ZNF804A: variants seen among roughly 807,000 people sequenced by gnomAD.
ZNF804A encodes the protein zinc finger protein 804A.
Under a neutral mutation model 16.5 loss-of-function variants are expected in ZNF804A, and 2 were observed. The ratio of observed to expected loss-of-function variants is 0.12; its 90% confidence interval spans 0.05 to 0.38. The LOEUF (loss-of-function observed/expected upper bound fraction) is 0.38, where lower values mean the gene tolerates loss of function less well. Among genes scored for constraint, ZNF804A ranks in the 10% least tolerant of loss-of-function variants. ZNF804A has a pLI of 0.99. For synonymous variants in ZNF804A, 534 were observed against 489.6 expected (o/e 1.09, Z -1.20); for missense variants, 1,473 against 1,390.7 (o/e 1.06, Z -0.94).
chr2:184,707,853 G>A (rs537748532), intron 1 of ZNF804A, among the ~76,000 whole-genome samples: 2 of 152,164 alleles, frequency 1.3e-5, no homozygotes, highest in East Asian at 3.9e-4. Flanking sequence ...AGTTCTTTGA[G>A]AAATCTCCAA....
intron 1 of ZNF804A, among the ~76,000 whole-genome samples, chr2:184,839,649 TTAAA>T (rs1695405669): frequency 6.6e-6 from 1 of 152,132 alleles, no homozygotes; most frequent in Non-Finnish European, 1.5e-5. Context: ...AACTTACACT[TTAAA>T]AAGTGTTCAG....
At chr2:184,689,475 C>T (rs1479390206) in intron 1 of ZNF804A, among the ~76,000 whole-genome samples, 1 of 151,908 alleles carries the variant, frequency 6.6e-6, no homozygotes, top group Non-Finnish European at 1.5e-5. Flanking sequence ...ACCAGAATAA[C>T]TAGATTTGCC....
At chr2:184,912,513 C>G (rs1685378096) in intron 2 of ZNF804A, among the ~76,000 whole-genome samples, 1 of 152,010 alleles carries the variant, frequency 6.6e-6, no homozygotes, top group African/African-American at 2.4e-5. Flanking sequence ...GTTTAATTTT[C>G]AAGAATCTGC....
intron 1 of ZNF804A, among the ~76,000 whole-genome samples, chr2:184,827,462 A>T (rs926358494): frequency 1.4e-5 from 2 of 146,564 alleles, no homozygotes; most frequent in East Asian, 2.0e-4. Context: ...AAATATATTT[A>T]TATATACTAT....
chr2:184,788,675 A>C (rs1694487073), intron 1 of ZNF804A, among the ~76,000 whole-genome samples: 1 of 152,098 alleles, frequency 6.6e-6, no homozygotes, highest in Non-Finnish European at 1.5e-5. Flanking sequence ...ATGTTTGTAC[A>C]CTGATTTTGT....
At chr2:184,626,835 G>A (rs1208298116) in intron 1 of ZNF804A, among the ~76,000 whole-genome samples, 2 of 152,032 alleles carry the variant, frequency 1.3e-5, no homozygotes, top group African/African-American at 4.8e-5. Context: ...GAAATGAATC[G>A]TTCAATGTTA....
chr2:184,700,630 A>G (rs532795841), intron 1 of ZNF804A, among the ~76,000 whole-genome samples: 1 of 152,096 alleles, frequency 6.6e-6, no homozygotes, highest in Non-Finnish European at 1.5e-5. Context: ...AATGACAAAG[A>G]CAAACTAAAG....
intron 1 of ZNF804A, among the ~76,000 whole-genome samples, chr2:184,733,168 T>G (rs999877503): frequency 6.6e-6 from 1 of 152,174 alleles, no homozygotes; most frequent in Non-Finnish European, 1.5e-5. Context: ...AGATTTATTG[T>G]GGATATTCTT....
rs1322929878 is a variant in ZNF804A, at chr2:184,604,749, G to C, written c.111+5679G>C. Among the ~76,000 whole-genome samples the C allele has an allele frequency of 2.6e-5, 4 of 152,210 alleles. No individual in the cohort carries two copies. The South Asian group carries it at 8.3e-4, about 32-fold the overall frequency. ...CAGTGTTCCATACCTTGCTTAGTTC[G>C]AGGACCGAAGTTTACCTATGTGGAG... On this transcript the variant is annotated intron_variant, in intron 1 of 3. Coordinates refer to ENST00000302277, the MANE Select transcript of ZNF804A (RefSeq NM_194250.2).
chr2:184,603,968 C>T (rs548404785), intron 1 of ZNF804A, among the ~76,000 whole-genome samples: 1 of 151,946 alleles, frequency 6.6e-6, no homozygotes, highest in Non-Finnish European at 1.5e-5. Flanking sequence ...AGTGTTATAA[C>T]ACAAACATGC....
intron 1 of ZNF804A, among the ~76,000 whole-genome samples, chr2:184,819,960 T>C (rs575461424): frequency 9.7e-4 from 148 of 152,040 alleles, no homozygotes; most frequent in African/African-American, 3.3e-3. Context: ...CATGACCAGA[T>C]GGATTTACAA....
Position 184,937,510 on chromosome 2 carries a change from A to G in ZNF804A, c.2114A>G (p.Asn705Ser), listed in dbSNP as rs964655715. Residue 705 changes from asparagine (N) to serine (S), a missense_variant, in exon 4 of 4, where the codon AAT (asparagine) becomes AGT (serine). Transcript: ENST00000302277. ...ACAATACTTTTAAATGGACAATCAA[A>G]TGCAACAATGATACATTCTGGGAAA... ...KNTILLNGQS[N>S]ATMIHSGKHN... is the part of the protein sequence containing the mutation. 2.0e-5 allele frequency: 33 copies of G among 1,612,268 alleles called. No individual in the cohort carries two copies. The highest frequency in any genetic ancestry group is 2.7e-5 in the Non-Finnish European group (32 of 1,179,382).
chr2:184,828,444 A>G (rs1286905022), intron 1 of ZNF804A, among the ~76,000 whole-genome samples: 1 of 151,674 alleles, frequency 6.6e-6, no homozygotes, highest in African/African-American at 2.4e-5. Flanking sequence ...TACTCTTTTA[A>G]TTTTGATGGT....
chr2:184,776,874 T>A (rs2105771675), intron 1 of ZNF804A, among the ~76,000 whole-genome samples: 1 of 151,570 alleles, frequency 6.6e-6, no homozygotes, highest in South Asian at 2.1e-4. Flanking sequence ...GTGGAAAAAA[T>A]TCCTTGACAC....
intron 1 of ZNF804A, among the ~76,000 whole-genome samples, chr2:184,658,592 A>G (rs536243292): frequency 6.6e-6 from 1 of 152,312 alleles, no homozygotes; most frequent in South Asian, 2.1e-4. Flanking sequence ...GATTTAGGCT[A>G]TGAGAACTGG....
chr2:184,828,955 T>A (rs1695217149), intron 1 of ZNF804A, among the ~76,000 whole-genome samples: 1 of 151,876 alleles, frequency 6.6e-6, no homozygotes, highest in South Asian at 2.1e-4. Context: ...TCCTAATACT[T>A]AGCTTTCACA....
rs531319424 is a variant in ZNF804A at position 184,686,292 on chromosome 2, G to T, written c.111+87222G>T. Among the ~76,000 whole-genome samples, 4 of 152,262 alleles carry T rather than the reference G, an allele frequency of 2.6e-5. No homozygotes were observed. In the East Asian group the frequency reaches 7.7e-4, roughly 29 times the overall value. ...GGGGCTTCCACCTTTTCCAGCTCTT[G>T]CTGGCCCCCTGGAGCATGTAACCCC... is the stretch of plus-strand genomic sequence containing the variant. On this transcript the variant is annotated intron_variant, in intron 1 of 3. Transcript: ENST00000302277.
chr2:184,665,437 T>G (rs17508713), intron 1 of ZNF804A, among the ~76,000 whole-genome samples: 18,966 of 152,254 alleles, frequency 0.12, 1,263 homozygotes, highest in Middle Eastern at 0.23. Flanking sequence ...TCATAAATTT[T>G]GGGATTCCAA....
chr2:184,678,175 A>C (rs1209914456), intron 1 of ZNF804A, among the ~76,000 whole-genome samples: 1 of 152,096 alleles, frequency 6.6e-6, no homozygotes, highest in South Asian at 2.1e-4. Flanking sequence ...TTTCGAGAGC[A>C]TTATTTCTTT....
Sources: gnomAD v4.1 joint callset for allele counts (sites outside exome capture counted in the v4.1 genomes callset) on GRCh38, gnomAD v4.1.1 for gene constraint, MANE v1.5 for transcripts, NCBI Gene and HGNC (gene_info 2026-07-23, HGNC 2026-07-21) for gene names.